Variants in SCLT1 observed in about 807,000 individuals in gnomAD.
SCLT1 encodes sodium channel-associated protein 1.
In SCLT1, 78 loss-of-function variants were observed where a neutral mutation model predicts 112.8. The observed-to-expected ratio is 0.69, with a 90% CI of 0.58 to 0.83. The LOEUF (loss-of-function observed/expected upper bound fraction) is 0.83, where lower values mean the gene tolerates loss of function less well. Ranked by LOEUF, SCLT1 falls within the 40% of genes least tolerant of loss-of-function variation. SCLT1 has a pLI of 0.00. For synonymous variants in SCLT1, 257 were observed against 254.7 expected, an observed-to-expected ratio of 1.01 and a Z score of -0.09; for missense variants, 747 against 770.4, an observed-to-expected ratio of 0.97 and a Z score of 0.36.
chr4:129,090,200 T>C (rs1752716758), intron 1 of SCLT1, among the ~76,000 whole-genome samples: 1 of 152,060 alleles, frequency 6.6e-6, no homozygotes, highest in Non-Finnish European at 1.5e-5. Flanking sequence ...GATACATCAA[T>C]GATGTACAGA....
At chr4:129,042,536 A>G (rs190420340) in intron 4 of SCLT1, among the ~76,000 whole-genome samples, 3 of 152,300 alleles carry the variant, frequency 2.0e-5, no homozygotes, top group Admixed American at 6.5e-5. Flanking sequence ...AAAAAAAGAG[A>G]GATGTAAGCA....
intron 5 of SCLT1, among the ~76,000 whole-genome samples, chr4:129,007,345 A>T (rs1294612963): frequency 4.6e-5 from 7 of 151,646 alleles, no homozygotes; most frequent in Admixed American, 4.6e-4. Flanking sequence ...ACCTGCTCAT[A>T]TTTCCTATTA....
At chr4:128,896,286 C>T (rs1733752854) in intron 18 of SCLT1, among the ~76,000 whole-genome samples, 1 of 152,120 alleles carries the variant, frequency 6.6e-6, no homozygotes, top group African/African-American at 2.4e-5. Context: ...GAGGTACCCC[C>T]CAGTACCGGG....
chr4:128,933,115 G>GAACC (rs1267722803), intron 18 of SCLT1, among the ~76,000 whole-genome samples: 1 of 152,042 alleles, frequency 6.6e-6, no homozygotes, highest in Non-Finnish European at 1.5e-5. Flanking sequence ...AATTTGTATG[G>GAACC]AACCACAAGT....
chr4:129,046,602 G>A (rs1349553333), intron 2 of SCLT1, among the ~76,000 whole-genome samples: 1 of 151,996 alleles, frequency 6.6e-6, no homozygotes, highest in East Asian at 1.9e-4. Context: ...TATTTGGGTT[G>A]TTCATTATTT....
chr4:129,067,995 A>C (rs565904490), intron 2 of SCLT1, among the ~76,000 whole-genome samples: 1 of 152,064 alleles, frequency 6.6e-6, no homozygotes, highest in South Asian at 2.1e-4. Flanking sequence ...CCTCCTTGCC[A>C]CCCTTTCCAC....
intron 18 of SCLT1, among the ~76,000 whole-genome samples, chr4:128,891,498 T>G (rs1484428018): frequency 6.6e-6 from 1 of 152,122 alleles, no homozygotes; most frequent in Non-Finnish European, 1.5e-5. Flanking sequence ...AAAATAAAAA[T>G]ACATATTTTA....
At chr4:128,995,167 T>C (rs1013973166) in intron 8 of SCLT1, among the ~76,000 whole-genome samples, 1 of 152,172 alleles carries the variant, frequency 6.6e-6, no homozygotes, top group African/African-American at 2.4e-5. Flanking sequence ...GTGTTAGATT[T>C]AAGTCTTTAA....
chr4:128,901,724 C>A (rs1226558505), intron 18 of SCLT1, among the ~76,000 whole-genome samples: 1 of 151,616 alleles, frequency 6.6e-6, no homozygotes, highest in Admixed American at 6.6e-5. Context: ...CTTTTCAGGT[C>A]TCCTTTCCAT....
intron 5 of SCLT1, among the ~76,000 whole-genome samples, chr4:129,004,653 G>GA (rs748852580): frequency 4.0e-5 from 6 of 151,844 alleles, no homozygotes; most frequent in Non-Finnish European, 8.8e-5. Flanking sequence ...ATTACAAAGT[G>GA]AAAATAACAA....
intron 5 of SCLT1, among the ~76,000 whole-genome samples, chr4:129,017,897 G>A (rs1007610386): frequency 6.6e-6 from 1 of 152,162 alleles, no homozygotes; most frequent in African/African-American, 2.4e-5. Context: ...TGGAAAAAAA[G>A]TCAATCTTAC....
chr4:128,914,131 C>T (rs1028138860), intron 18 of SCLT1, among the ~76,000 whole-genome samples: 3 of 151,976 alleles, frequency 2.0e-5, no homozygotes, highest in African/African-American at 2.4e-5. Flanking sequence ...TTTGGGAGGC[C>T]GAGGCAGGTG....
At chr4:129,049,926 T>TC (rs1464321235) in intron 2 of SCLT1, among the ~76,000 whole-genome samples, 1 of 152,064 alleles carries the variant, frequency 6.6e-6, no homozygotes, top group African/African-American at 2.4e-5. Flanking sequence ...TGTGTGATGT[T>TC]CCCCTCCTTG....
chr4:129,014,313 G>T (rs2126110144), intron 5 of SCLT1, among the ~76,000 whole-genome samples: 1 of 151,994 alleles, frequency 6.6e-6, no homozygotes, highest in South Asian at 2.1e-4. Flanking sequence ...TCTGTCATTT[G>T]TAGCCATCTT....
intron 18 of SCLT1, among the ~76,000 whole-genome samples, chr4:128,933,123 A>G (rs543151978): frequency 6.6e-6 from 1 of 152,266 alleles, no homozygotes; most frequent in Admixed American, 6.5e-5. Flanking sequence ...TGGAACCACA[A>G]GTGACCCCAG....
At chr4:129,045,720 A>C (rs898549383) in intron 2 of SCLT1, among the ~76,000 whole-genome samples, 1 of 152,068 alleles carries the variant, frequency 6.6e-6, no homozygotes, top group African/African-American at 2.4e-5. Flanking sequence ...TGAAGGGAGA[A>C]AGTATTTATG....
intron 12 of SCLT1, 130 bp downstream of exon 12, chr4:128,959,470 T>C (rs1468262127): frequency 1.5e-6 from 1 of 661,600 alleles, no homozygotes; most frequent in Non-Finnish European, 2.6e-6. Context: ...TATGGATGAT[T>C]ACTAATGAAA....
chr4:128,899,753 CAT>C (rs1734108927), intron 18 of SCLT1, among the ~76,000 whole-genome samples: 1 of 152,174 alleles, frequency 6.6e-6, no homozygotes, highest in African/African-American at 2.4e-5. Flanking sequence ...TTGAAGATGA[CAT>C]GATTGTATAT....
chr4:128,923,444 CAAAA>C (rs35945474), intron 18 of SCLT1, among the ~76,000 whole-genome samples: 4 of 81,398 alleles, frequency 4.9e-5, no homozygotes, highest in Admixed American at 1.5e-4. Context: ...GACTCCATCT[CAAAA>C]AAAAAAAAAA....
Sources: gnomAD v4.1 joint callset for allele counts (sites outside exome capture counted in the v4.1 genomes callset) on GRCh38, gnomAD v4.1.1 for gene constraint, MANE v1.5 for transcripts, NCBI Gene and HGNC (gene_info 2026-07-23, HGNC 2026-07-21) for gene names.